Variants in WDR7 observed in about 807,000 individuals in gnomAD.
WDR7 encodes WD repeat-containing protein 7.
WDR7 carries 46 observed loss-of-function variants against 169.4 expected under a neutral mutation model. That is an observed-to-expected ratio of 0.27 (90% CI 0.21 to 0.35). WDR7 has a LOEUF of 0.35. Among genes scored for constraint, WDR7 ranks in the 10% least tolerant of loss-of-function variants. The pLI is 1.00. For synonymous variants in WDR7, 612 were observed against 666.8 expected (o/e 0.92, Z 1.27); for missense variants, 1,534 against 1,859.3 (o/e 0.83, Z 3.22).
chr18:56,827,545 C>G (rs2045229632), intron 20 of WDR7, among the ~76,000 whole-genome samples: 1 of 151,782 alleles, frequency 6.6e-6, no homozygotes, highest in Non-Finnish European at 1.5e-5. Flanking sequence ...GGGTAGAGAG[C>G]CTACCAGAGT....
At chr18:56,660,730 A>C (rs1454261383) in intron 1 of WDR7, among the ~76,000 whole-genome samples, 3 of 152,078 alleles carry the variant, frequency 2.0e-5, no homozygotes, top group Non-Finnish European at 4.4e-5. Context: ...AGTCAGGAAA[A>C]AGTGAAGACT....
intron 21 of WDR7, among the ~76,000 whole-genome samples, chr18:56,920,035 A>G (rs2046690623): frequency 6.6e-6 from 1 of 151,830 alleles, no homozygotes; most frequent in Admixed American, 6.6e-5. Context: ...TCACTGTTAC[A>G]CTTCATCCCC....
intron 21 of WDR7, among the ~76,000 whole-genome samples, chr18:56,906,624 A>G (rs777936611): frequency 4.0e-5 from 6 of 149,908 alleles, no homozygotes; most frequent in Non-Finnish European, 5.9e-5. Context: ...GCTCACAGCA[A>G]CCTCCACCTG....
intron 26 of WDR7, among the ~76,000 whole-genome samples, chr18:57,003,160 C>T (rs2048007128): frequency 6.6e-6 from 1 of 152,014 alleles, no homozygotes; most frequent in Non-Finnish European, 1.5e-5. Flanking sequence ...ATTACAGTGT[C>T]CACAGAAGCC....
intron 14 of WDR7, among the ~76,000 whole-genome samples, chr18:56,732,268 T>C (rs1407592868): frequency 1.3e-5 from 2 of 152,218 alleles, no homozygotes; most frequent in Non-Finnish European, 2.9e-5. Context: ...ATTTGTGTCA[T>C]GTGGTATAAT....
Position 56,994,522 on chromosome 18 carries a change from A to G in WDR7, c.4165-26223A>G, listed in dbSNP as rs552489942. On this transcript the variant is annotated intron_variant, in intron 26 of 27. Transcript: ENST00000254442. ...TTTTTAAAAAAAAGAGTTTGTTCAC[A>G]TAAGTCCTGGGAATTTTTTCTTTTT... 5.8e-4 allele frequency among the ~76,000 whole-genome samples: 88 copies of G among 152,356 alleles called. No homozygotes were observed. The South Asian group carries it at 0.011, about 18-fold the overall frequency.
At chr18:56,936,462 TTAG>T (rs1475302779) in intron 23 of WDR7, among the ~76,000 whole-genome samples, 1 of 152,226 alleles carries the variant, frequency 6.6e-6, no homozygotes, top group Non-Finnish European at 1.5e-5. Flanking sequence ...CCTATAGGTC[TTAG>T]TAGGAGGAAG....
At chr18:56,891,306 A>G (rs887498004) in intron 21 of WDR7, among the ~76,000 whole-genome samples, 4 of 152,108 alleles carry the variant, frequency 2.6e-5, no homozygotes, top group Non-Finnish European at 5.9e-5. Flanking sequence ...TTGGTTTCGA[A>G]TCTTGGTATC....
intron 16 of WDR7, among the ~76,000 whole-genome samples, chr18:56,759,922 T>A (rs1170679550): frequency 6.6e-6 from 1 of 152,210 alleles, no homozygotes; most frequent in African/African-American, 2.4e-5. Flanking sequence ...AATGGTGTGC[T>A]TGATTTTCAG....
At chr18:56,735,889 AC>A (rs1355981259) in intron 14 of WDR7, among the ~76,000 whole-genome samples, 3 of 152,184 alleles carry the variant, frequency 2.0e-5, no homozygotes, top group Non-Finnish European at 4.4e-5. Flanking sequence ...GCCGACCCCT[AC>A]ATCAGAAGAT....
intron 14 of WDR7, among the ~76,000 whole-genome samples, chr18:56,749,386 TTG>T (rs71863855): frequency 0.066 from 9,793 of 148,544 alleles, 566 homozygotes; most frequent in African/African-American, 0.16. Flanking sequence ...GTGTGTGTGT[TTG>T]TGTGTGTGTG....
chr18:56,913,623 C>CAA (rs3045241), intron 21 of WDR7, among the ~76,000 whole-genome samples: 21 of 134,812 alleles, frequency 1.6e-4, no homozygotes, highest in Non-Finnish European at 1.6e-4. Context: ...CCCATCTCTA[C>CAA]AAAAAAAAAA....
chr18:56,653,211 T>TC (rs960566243), intron 1 of WDR7, among the ~76,000 whole-genome samples: 3 of 151,306 alleles, frequency 2.0e-5, no homozygotes, highest in Non-Finnish European at 3.0e-5. Flanking sequence ...TTTTCGTTCT[T>TC]CTTTTTTTTT....
intron 19 of WDR7, among the ~76,000 whole-genome samples, chr18:56,797,977 C>G (rs1047263122): frequency 6.6e-6 from 1 of 152,164 alleles, no homozygotes; most frequent in Non-Finnish European, 1.5e-5. Context: ...CTTTCCATCA[C>G]TACCATCACT....
At chr18:56,938,096 G>C (rs559503230) in intron 23 of WDR7, among the ~76,000 whole-genome samples, 87 of 152,214 alleles carry the variant, frequency 5.7e-4, no homozygotes, top group African/African-American at 2.0e-3. Flanking sequence ...CTAATCAGAG[G>C]CTCAGAGGCA....
chr18:56,989,170 T>G (rs1259331426), intron 26 of WDR7, among the ~76,000 whole-genome samples: 1 of 152,168 alleles, frequency 6.6e-6, no homozygotes, highest in Non-Finnish European at 1.5e-5. Flanking sequence ...AGCAACATTA[T>G]TCATTAGGAC....
At chr18:56,991,762 A>T (rs1295409895) in intron 26 of WDR7, among the ~76,000 whole-genome samples, 2 of 152,228 alleles carry the variant, frequency 1.3e-5, no homozygotes, top group African/African-American at 4.8e-5. Flanking sequence ...TATTATTTAA[A>T]TTGTGAATAC....
intron 20 of WDR7, among the ~76,000 whole-genome samples, chr18:56,847,164 G>T (rs2045580288): frequency 6.6e-6 from 1 of 152,152 alleles, no homozygotes; most frequent in Non-Finnish European, 1.5e-5. Flanking sequence ...ATGAAAACAT[G>T]AAAGTTATTG....
At chr18:56,972,632 A>C (rs961192966) in intron 26 of WDR7, among the ~76,000 whole-genome samples, 8 of 152,218 alleles carry the variant, frequency 5.3e-5, no homozygotes, top group Admixed American at 3.3e-4. Context: ...ACTGCATTGA[A>C]GAATTGCCTA....
Sources: allele counts gnomAD v4.1 joint callset (sites outside exome capture counted in the v4.1 genomes callset), GRCh38; gene constraint gnomAD v4.1.1; transcripts MANE v1.5; gene names NCBI Gene and HGNC (gene_info 2026-07-23, HGNC 2026-07-21).